The following IGF2 variants were observed in gnomAD, a reference collection of about 807,000 sequenced individuals.
IGF2 encodes the protein insulin like growth factor 2, also known as insulin-like growth factor 2.
Under a neutral mutation model 12.0 loss-of-function variants are expected in IGF2, and 2 were observed. That is an observed-to-expected ratio of 0.17 (90% CI 0.07 to 0.52). The LOEUF (loss-of-function observed/expected upper bound fraction) is 0.52. Ranked by LOEUF, IGF2 falls within the 20% of genes least tolerant of loss-of-function variation. IGF2 has a pLI of 0.95. For missense variants in IGF2, 211 were observed against 268.0 expected (o/e 0.79, Z 1.48); for synonymous variants, 105 against 110.1 (o/e 0.95, Z 0.29).
the IGF2 span, chr11:2,146,311 C>CT: frequency 1.9e-6 from 1 of 536,664 alleles, no homozygotes; most frequent in South Asian, 1.4e-5. Context: ...AACCCAGCTC[C>CT]TTTCTCCAAG....
At chr11:2,139,459 G>T (rs1297289791), upstream of IGF2, 3 of 146,522 alleles carry the variant, frequency 2.0e-5, no homozygotes, top group Non-Finnish European at 3.0e-5. Flanking sequence ...CGCGGGCCTC[G>T]CTGGCCTCGC....
At chr11:2,147,540 G>A in the IGF2 span, 5 of 1,027,458 alleles carry the variant, frequency 4.9e-6, no homozygotes, top group Non-Finnish European at 6.2e-6. The surrounding 1 kb of genome is among the most constrained non-coding windows in gnomAD (Gnocchi z 7.2). Flanking sequence ...CTCTCTGCCA[G>A]GCCTCAGGGT....
chr11:2,133,109 C>G lies in IGF2; in HGVS notation c.421G>C (p.Val141Leu), dbSNP rs375129654. Residue 141 changes from valine to leucine, a missense_variant, in exon 4 of 4, where the codon GTG becomes CTG. Around this residue, in one of 3 missense-constraint regions of IGF2, gnomAD observed 141 missense variants for 153.1 expected, o/e 0.92. Coordinates refer to ENST00000416167, the MANE Select transcript of IGF2 (RefSeq NM_000612.6). This position sits in a 1 kb window ranked among gnomAD's most constrained non-coding sequence, Gnocchi z 8.9. ...AACGCCTCGAGCTCCTTGGCGAGCA[C>G]GTGACCCCGGCGGGCACGCAGGAGG... is the stretch of plus-strand genomic sequence containing the variant. ...PALLRARRGH[V>L]LAKELEAFRE... The G allele has an allele frequency of 1.6e-5, 26 of 1,607,202 alleles. No individual in the cohort carries two copies. The highest frequency in any genetic ancestry group is 2.2e-5 in the Non-Finnish European group (26 of 1,176,470).
chr11:2,132,982 T>G lies in IGF2; in HGVS notation c.*5A>C. 6.7e-7 allele frequency: 1 copy of G among 1,500,324 alleles called. No individual in the cohort carries two copies. The highest frequency in any genetic ancestry group is 8.9e-7 in the Non-Finnish European group (1 of 1,122,188). 92.9% of individuals were successfully genotyped at this position (1,500,324 alleles called of 1,614,324 possible). A position where few individuals can be genotyped will look rare whatever the true frequency, so the allele number is the denominator to read the frequency against. Reference sequence around the variant, plus strand: ...CGCCGGGCTGCAGACTTGCGGCAGTTTTGCTCACTTCCGATTGCTGGCCAT... The same window carrying G: ...CGCCGGGCTGCAGACTTGCGGCAGTGTTGCTCACTTCCGATTGCTGGCCAT... On this transcript the variant is annotated 3_prime_UTR_variant, in exon 4 of 4. Coordinates refer to ENST00000416167, the MANE Select transcript of IGF2 (RefSeq NM_000612.6).
chr11:2,133,443 C>T lies in IGF2; in HGVS notation c.306+74G>A. Reference sequence around the variant, plus strand: ...TCCCTGGCCAAGAGGTCCCAGAGGCCACAGGAAACGCTGGGCGCCCGAAGC... The same window carrying T: ...TCCCTGGCCAAGAGGTCCCAGAGGCTACAGGAAACGCTGGGCGCCCGAAGC... On this transcript the variant is annotated intron_variant, in intron 3 of 3. Transcript: ENST00000416167. The surrounding 1 kb of genome is among the most constrained non-coding windows in gnomAD (Gnocchi z 8.9). 6.7e-7 allele frequency: 1 copy of T among 1,488,644 alleles called. No homozygotes were observed. 92.2% of individuals were successfully genotyped at this position (1,488,644 alleles called of 1,614,324 possible). A position where few individuals can be genotyped will look rare whatever the true frequency, so the allele number is the denominator to read the frequency against.
intron 1 of IGF2, chr11:2,137,116 G>GTGCCCCCTGCTGCCC (rs1564897949): frequency 3.7e-6 from 2 of 545,198 alleles, no homozygotes; most frequent in Non-Finnish European, 4.7e-6. Context: ...GGCGTGGGCC[G>GTGCCCCCTGCTGCCC]TGCCCCCTGC....
intron 1 of IGF2, among the ~76,000 whole-genome samples, chr11:2,137,608 C>T (rs1342889363): frequency 1.3e-5 from 2 of 152,084 alleles, no homozygotes; most frequent in Admixed American, 6.5e-5. Context: ...GGCCTCTCTC[C>T]GGGTCGAAGG....
At position 2,132,936 on chromosome 11, in the gene IGF2, G is replaced by A. The variant is rs773392012; in HGVS notation, c.*51C>T. 9 of 1,240,684 alleles carry A rather than the reference G, an allele frequency of 7.3e-6. No homozygotes were observed. Among genetic ancestry groups the A allele is most frequent in the Non-Finnish European group, 1.0e-5 (9 of 895,220 alleles). 76.9% of individuals were successfully genotyped at this position (1,240,684 alleles called of 1,614,324 possible). ...ACCTGATGGAAACGTCCGTGGTCAG[G>A]AGGAGGCTGCAGGATGGTGGCGCCG... On this transcript the variant is annotated 3_prime_UTR_variant, in exon 4 of 4. Transcript: ENST00000416167.
In IGF2 at chr11:2,133,787, C is replaced by T; in HGVS notation, c.158-122G>A. On this transcript the variant is annotated intron_variant, in intron 2 of 3. Transcript: ENST00000416167. The surrounding 1 kb of genome is among the most constrained non-coding windows in gnomAD (Gnocchi z 8.9). ...CAGGCCCTGGAAGGACGCAGCCACC[C>T]TGCGGGTCAGGGGAGGGAAGTGAGA... The T allele has an allele frequency of 8.1e-7, 1 of 1,233,016 alleles. No individual in the cohort carries two copies. Among genetic ancestry groups the T allele is most frequent in the Non-Finnish European group, 1.1e-6 (1 of 884,440 alleles). 76.4% of individuals were successfully genotyped at this position (1,233,016 alleles called of 1,614,324 possible). A position where few individuals can be genotyped will look rare whatever the true frequency, so the allele number is the denominator to read the frequency against.
chr11:2,133,296 G>A lies in IGF2; in HGVS notation c.307-73C>T. 8.7e-7 allele frequency: 1 copy of A among 1,149,732 alleles called. No individual in the cohort carries two copies. The highest frequency in any genetic ancestry group is 1.2e-6 in the Non-Finnish European group (1 of 815,854). The allele number at this position is 1,149,732 out of a possible 1,614,324, so 71.2% of individuals were successfully genotyped here. On this transcript the variant is annotated intron_variant, in intron 3 of 3. Coordinates refer to ENST00000416167, the MANE Select transcript of IGF2 (RefSeq NM_000612.6). This position sits in a 1 kb window ranked among gnomAD's most constrained non-coding sequence, Gnocchi z 8.9. ...TCCGCCTGAGCCGCCCGCCTGACCT[G>A]ACAGGCCACCCCTGTGACTGATCAG...
upstream of IGF2, among the ~76,000 whole-genome samples, chr11:2,145,276 C>T (rs1055081716): frequency 6.6e-6 from 1 of 152,224 alleles, no homozygotes; most frequent in South Asian, 2.1e-4. Context: ...TTTTCCTCTG[C>T]AGGGTGACTT....
At chr11:2,145,122 C>T (rs937645085), upstream of IGF2, among the ~76,000 whole-genome samples, 1 of 152,124 alleles carries the variant, frequency 6.6e-6, no homozygotes, top group African/African-American at 2.4e-5. Flanking sequence ...ATTCCAAGAA[C>T]ATCTGGCCCA....
At chr11:2,141,088 T>A (rs1292149230), upstream of IGF2, 1 of 228,652 alleles carries the variant, frequency 4.4e-6, no homozygotes, top group Non-Finnish European at 8.8e-6. Context: ...GCCCTCCCTG[T>A]CCACGTCCTG....
chr11:2,129,990 C>T lies in IGF2; in HGVS notation c.*2997G>A, dbSNP rs943359853. 13 of 230,528 alleles carry T rather than the reference C, an allele frequency of 5.6e-5. No individual in the cohort carries two copies. Among genetic ancestry groups the T allele is most frequent in the African/African-American group, 1.1e-4 (5 of 45,142 alleles). The allele number at this position is 230,528 out of a possible 1,614,324, so 14.3% of individuals were successfully genotyped here. ...AGACCCGCCTGACCTCCCTACTCCCCGGCCTCACCCCACCTTGCCCCCAAG... is the reference window on the plus strand; with the variant it reads ...AGACCCGCCTGACCTCCCTACTCCCTGGCCTCACCCCACCTTGCCCCCAAG... On this transcript the variant is annotated 3_prime_UTR_variant, in exon 4 of 4. Transcript: ENST00000416167. This position sits in a 1 kb window ranked among gnomAD's most constrained non-coding sequence, Gnocchi z 8.1.
chr11:2,143,533 C>T (rs370410802), upstream of IGF2, among the ~76,000 whole-genome samples: 7 of 152,300 alleles, frequency 4.6e-5, no homozygotes, highest in African/African-American at 1.7e-4. Flanking sequence ...AGCGCGACCA[C>T]CACGGACCAA....
rs1554912634 is a variant in IGF2 at position 2,131,702 on chromosome 11, C to T, written c.*1285G>A. ...TGTGTGTGCTGTGTTTGTGTGTGTG[C>T]TGTGTGTGCTGTGTTCGTGTGTGCT... On this transcript the variant is annotated 3_prime_UTR_variant, in exon 4 of 4. Transcript: ENST00000416167. The T allele has an allele frequency of 4.6e-5, 8 of 174,768 alleles. No individual in the cohort carries two copies. The East Asian group carries it at 5.4e-4, about 12-fold the overall frequency. 10.8% of individuals were successfully genotyped at this position (174,768 alleles called of 1,614,324 possible).
At chr11:2,146,431 GC>G in the IGF2 span, 1 of 532,720 alleles carries the variant, frequency 1.9e-6, no homozygotes, top group Non-Finnish European at 3.8e-6. Flanking sequence ...CGTCAGCCCG[GC>G]CGGCCTGGGA....
the IGF2 span, chr11:2,149,272 A>AG: frequency 6.2e-7 from 1 of 1,613,764 alleles, no homozygotes; most frequent in Non-Finnish European, 8.5e-7. Flanking sequence ...CCACCAAAGC[A>AG]GGGGGTGCCC....
intron 1 of IGF2, 72 bp downstream of exon 1, chr11:2,138,135 CGGGCCGGGAGCGGGCGGAGGAA>C: frequency 1.2e-6 from 1 of 817,770 alleles, no homozygotes; most frequent in African/African-American, 1.9e-5. Flanking sequence ...CCGCAGGCCC[CGGGCCGGGAGCGGGCGGAGGAA>C]GGGCCGGGCG....
Sources: allele counts gnomAD v4.1 joint callset (sites outside exome capture counted in the v4.1 genomes callset), GRCh38; gene constraint gnomAD v4.1.1; regional missense constraint gnomAD v4.1.1; non-coding constraint Gnocchi (gnomAD v3.1); transcripts MANE v1.5; gene names NCBI Gene and HGNC (gene_info 2026-07-23, HGNC 2026-07-21).